The following COL19A1 variants were observed in gnomAD, a reference collection of about 807,000 sequenced individuals.
COL19A1 encodes collagen type XIX alpha 1 chain, also known as collagen alpha-1(XIX) chain.
A neutral mutation model predicts 190.2 loss-of-function variants in COL19A1; 159 were observed. The observed-to-expected ratio is 0.84, with a 90% CI of 0.73 to 0.95. The LOEUF (loss-of-function observed/expected upper bound fraction) is 0.95, where lower values mean the gene tolerates loss of function less well. COL19A1 is among the 40% of genes least tolerant of loss of function. The pLI is 0.00. For missense variants in COL19A1, 1,418 were observed against 1,431.9 expected (o/e 0.99, Z 0.16); for synonymous variants, 509 against 458.9 (o/e 1.11, Z -1.39).
chr6:70,142,015 G>A lies in COL19A1; in HGVS notation c.1519-8G>A, dbSNP rs568905700. 1.5e-4 allele frequency: 239 copies of A among 1,612,330 alleles called. 4 individuals carry two copies. The South Asian group carries it at 1.7e-3, about 12-fold the overall frequency. On this transcript the variant is annotated splice_polypyrimidine_tract_variant and splice_region_variant and intron_variant, in intron 21 of 50. Coordinates refer to ENST00000620364, the MANE Select transcript of COL19A1 (RefSeq NM_001858.6). ...AACATTGATCTTTCCTTCCCCCCAC[G>A]TGTTTAGGGTGAACCTGGAGATCCC...
chr6:70,030,464 C>T (rs9454947), intron 12 of COL19A1, among the ~76,000 whole-genome samples: 1 of 152,128 alleles, frequency 6.6e-6, no homozygotes, highest in Non-Finnish European at 1.5e-5. Flanking sequence ...ATACTGTCCT[C>T]CACTCCAGAG....
At chr6:70,121,998 T>C (rs930042374) in intron 17 of COL19A1, 56 bp downstream of exon 17, 51 of 1,209,722 alleles carry the variant, frequency 4.2e-5, no homozygotes, top group Non-Finnish European at 5.7e-5. Flanking sequence ...TATGATTGTA[T>C]TTTTGAAAAA....
Position 70,061,698 on chromosome 6 carries a change from T to C in COL19A1, c.1171-6725T>C, listed in dbSNP as rs80344788. Among the ~76,000 whole-genome samples the C allele has an allele frequency of 4.8e-3, 729 of 152,232 alleles. 8 individuals carry two copies. The highest frequency in any genetic ancestry group is 0.016 in the African/African-American group (684 of 41,560). Reference sequence around the variant, plus strand: ...CTGATGTGTATGTTTTAGTAACTCATGTTTAAAAACACTGAATGAGCTGTC... The same window carrying C: ...CTGATGTGTATGTTTTAGTAACTCACGTTTAAAAACACTGAATGAGCTGTC... On this transcript the variant is annotated intron_variant, in intron 14 of 50. Coordinates refer to ENST00000620364, the MANE Select transcript of COL19A1 (RefSeq NM_001858.6).
At chr6:70,128,194 T>C (rs776221608) in intron 17 of COL19A1, among the ~76,000 whole-genome samples, 2 of 152,214 alleles carry the variant, frequency 1.3e-5, no homozygotes, top group Non-Finnish European at 2.9e-5. Context: ...AAATTAGATA[T>C]ATGGGTCTAA....
intron 17 of COL19A1, among the ~76,000 whole-genome samples, chr6:70,122,210 A>G (rs1409862053): frequency 1.3e-5 from 2 of 152,216 alleles, no homozygotes; most frequent in African/African-American, 4.8e-5. Flanking sequence ...GTGTTCCACC[A>G]TCAATAATAT....
intron 17 of COL19A1, among the ~76,000 whole-genome samples, chr6:70,122,746 C>A (rs541065107): frequency 6.6e-6 from 1 of 152,052 alleles, no homozygotes; most frequent in Non-Finnish European, 1.5e-5. Context: ...TTTTTTCTGA[C>A]AGCTGTTACT....
At chr6:69,886,566 A>G (rs1406329769) in intron 2 of COL19A1, among the ~76,000 whole-genome samples, 1 of 152,158 alleles carries the variant, frequency 6.6e-6, no homozygotes, top group Non-Finnish European at 1.5e-5. Flanking sequence ...AATAGCTAAG[A>G]CATGGAAACA....
Position 70,207,195 on chromosome 6 carries a change from C to T in COL19A1, c.3350C>T (p.Pro1117Leu). 1.9e-6 allele frequency: 3 copies of T among 1,613,960 alleles called. No homozygotes were observed. The highest frequency in any genetic ancestry group is 1.7e-5 in the Admixed American group (1 of 60,012). The change falls in exon 51 of 51, where the codon CCA becomes CTA. Residue 1117 changes from proline to leucine, a missense_variant. Physicochemically the swap from Pro to Leu is moderately conservative, Grantham distance 98. Transcript: ENST00000620364. Reference sequence around the variant, plus strand: ...GGTGCCCCAGGCCCACAGGGCCCCCCAGGACCCAGTGGAAGATGTAACCCA... The same window carrying T: ...GGTGCCCCAGGCCCACAGGGCCCCCTAGGACCCAGTGGAAGATGTAACCCA... ...SPGAPGPQGP[P>L]GPSGRCNPED...
intron 2 of COL19A1, chr6:69,891,227 C>T (rs1769330097): frequency 6.5e-6 from 1 of 154,204 alleles, no homozygotes; most frequent in Admixed American, 6.5e-5. Flanking sequence ...AAAACTTTAC[C>T]CTTTTGCTAG....
intron 37 of COL19A1, among the ~76,000 whole-genome samples, chr6:70,166,830 G>A (rs1765189351): frequency 6.6e-6 from 1 of 150,690 alleles, no homozygotes; most frequent in Non-Finnish European, 1.5e-5. Context: ...TGACAAGAAA[G>A]CAGGACGGAA....
At chr6:70,118,379 C>T (rs557273070) in intron 16 of COL19A1, among the ~76,000 whole-genome samples, 7 of 152,302 alleles carry the variant, frequency 4.6e-5, no homozygotes, top group Non-Finnish European at 4.4e-5. Context: ...AAGTGAGACA[C>T]TGCCTCACTG....
At chr6:70,109,169 TG>T (rs1784139749) in intron 16 of COL19A1, among the ~76,000 whole-genome samples, 2 of 152,132 alleles carry the variant, frequency 1.3e-5, no homozygotes, top group Admixed American at 6.6e-5. Context: ...TGAGGTGCTA[TG>T]GGGGGAATAA....
At position 69,963,251 on chromosome 6, in the gene COL19A1, G is replaced by A. The variant is rs535331956; in HGVS notation, c.1026+381G>A. Among the ~76,000 whole-genome samples, 17 of 152,230 alleles carry A rather than the reference G, an allele frequency of 1.1e-4. No individual in the cohort carries two copies. The South Asian group carries it at 3.5e-3, about 32-fold the overall frequency. ...TCAGTGGAATTTTTTTCCTGAAGGAGTAAATAAGAACAACTAACTGTAAAA... is the reference window on the plus strand; with the variant it reads ...TCAGTGGAATTTTTTTCCTGAAGGAATAAATAAGAACAACTAACTGTAAAA... On this transcript the variant is annotated intron_variant, in intron 11 of 50. Coordinates refer to ENST00000620364, the MANE Select transcript of COL19A1 (RefSeq NM_001858.6).
At chr6:70,063,060 T>C (rs1234383797) in intron 14 of COL19A1, among the ~76,000 whole-genome samples, 1 of 152,010 alleles carries the variant, frequency 6.6e-6, no homozygotes, top group Non-Finnish European at 1.5e-5. Flanking sequence ...CTGTCAACAT[T>C]AGACAGATGA....
intron 11 of COL19A1, among the ~76,000 whole-genome samples, chr6:69,984,670 CCTAGTTTTTTCA>C (rs1297216196): frequency 6.6e-6 from 1 of 152,054 alleles, no homozygotes; most frequent in Non-Finnish European, 1.5e-5. Flanking sequence ...ATGTTTGCCT[CCTAGTTTTTTCA>C]CAAAAAGTTA....
At chr6:70,052,739 T>TTTC (rs1780276554) in intron 14 of COL19A1, among the ~76,000 whole-genome samples, 1 of 152,144 alleles carries the variant, frequency 6.6e-6, no homozygotes, top group South Asian at 2.1e-4. Flanking sequence ...CAGTAATGGA[T>TTTC]TAAGATAAAG....
chr6:70,173,421 A>T (rs1471917701), intron 41 of COL19A1, among the ~76,000 whole-genome samples: 1 of 152,214 alleles, frequency 6.6e-6, no homozygotes, highest in Non-Finnish European at 1.5e-5. Context: ...AAAAGGAGCA[A>T]AGAGCAAGGA....
chr6:70,023,793 C>G, intron 12 of COL19A1, 113 bp downstream of exon 12: 1 of 870,932 alleles, frequency 1.1e-6, no homozygotes, highest in Non-Finnish European at 1.7e-6. Flanking sequence ...CATGATCCAA[C>G]AAAATTAAGA....
chr6:70,180,029 C>T (rs982068685), intron 42 of COL19A1, among the ~76,000 whole-genome samples: 1 of 152,110 alleles, frequency 6.6e-6, no homozygotes. Context: ...ATTACAGGCA[C>T]GTCCCACCAT....
Sources: allele counts gnomAD v4.1 joint callset (sites outside exome capture counted in the v4.1 genomes callset), GRCh38; gene constraint gnomAD v4.1.1; transcripts MANE v1.5; gene names NCBI Gene and HGNC (gene_info 2026-07-23, HGNC 2026-07-21).